The following LMF1 variants were observed in gnomAD, a reference collection of about 807,000 sequenced individuals.
LMF1 encodes lipase maturation factor 1, also known as transmembrane protein 112.
In LMF1, 68 loss-of-function variants were observed where a neutral mutation model predicts 60.6. That is an observed-to-expected ratio of 1.12 (90% CI 0.92 to 1.37). The LOEUF (loss-of-function observed/expected upper bound fraction) is 1.37, where lower values mean the gene tolerates loss of function less well. Ranked by LOEUF, LMF1 falls within the 40% of genes most tolerant of loss-of-function variation. LMF1 has a pLI of 0.00. For missense variants in LMF1, 948 were observed against 767.2 expected, an observed-to-expected ratio of 1.24 and a Z score of -2.78; for synonymous variants, 418 against 324.7, an observed-to-expected ratio of 1.29 and a Z score of -3.09.
At chr16:909,840 G>A (rs1026336775) in intron 4 of LMF1, among the ~76,000 whole-genome samples, 1 of 152,260 alleles carries the variant, frequency 6.6e-6, no homozygotes, top group African/African-American at 2.4e-5. Flanking sequence ...GAAGAGGAAC[G>A]TTCCGGACTG....
intron 9 of LMF1, chr16:869,535 C>T (rs771367675): frequency 1.7e-5 from 10 of 575,010 alleles, no homozygotes; most frequent in Non-Finnish European, 3.0e-5. Flanking sequence ...ATCGATCCTT[C>T]CTCCTCCTGC....
chr16:894,969 G>C (rs1233474964), intron 4 of LMF1, among the ~76,000 whole-genome samples: 1 of 152,256 alleles, frequency 6.6e-6, no homozygotes, highest in Non-Finnish European at 1.5e-5. Context: ...CCCGGGGCGG[G>C]GTGGGGATGG....
At chr16:896,364 C>T (rs1034129818) in intron 4 of LMF1, among the ~76,000 whole-genome samples, 3 of 152,244 alleles carry the variant, frequency 2.0e-5, no homozygotes, top group East Asian at 1.9e-4. Context: ...TCTTGCTGTA[C>T]GTCCCTGCCC....
intron 10 of LMF1, among the ~76,000 whole-genome samples, chr16:860,077 C>T (rs1356950168): frequency 2.0e-5 from 3 of 149,050 alleles, no homozygotes; most frequent in African/African-American, 7.8e-5. Flanking sequence ...TCTCTGTGCT[C>T]ATTTTCTAAT....
At position 888,112 on chromosome 16, in the gene LMF1, C is replaced by T. The variant is rs892466673; in HGVS notation, c.729+4895G>A. ...ACGGAATTGTAGTTCTCCACGACGTCGGCCCAAGCTCACAGACAGGCCCGG... is the reference window on the plus strand; with the variant it reads ...ACGGAATTGTAGTTCTCCACGACGTTGGCCCAAGCTCACAGACAGGCCCGG... On this transcript the variant is annotated intron_variant, in intron 5 of 10. Transcript: ENST00000262301. 1.1e-4 allele frequency among the ~76,000 whole-genome samples: 16 copies of T among 152,340 alleles called. 1 individual carries two copies. The highest frequency in any genetic ancestry group is 3.1e-4 in the African/African-American group (13 of 41,586).
At position 854,470 on chromosome 16, in the gene LMF1, G is replaced by A; in HGVS notation, c.*62C>T. The stretch of plus-strand genomic sequence containing the variant: ...ATGCCCAGCTTGGGCTGGGCGCAGG[G>A]AAGGGCAAACGTTGCTGAGCCGCCG... On this transcript the variant is annotated 3_prime_UTR_variant, in exon 11 of 11. Transcript: ENST00000262301. 6.7e-7 allele frequency: 1 copy of A among 1,502,292 alleles called. No homozygotes were observed. The highest frequency in any genetic ancestry group is 9.0e-7 in the Non-Finnish European group (1 of 1,109,586). 93.1% of individuals were successfully genotyped at this position (1,502,292 alleles called of 1,614,324 possible).
At chr16:919,944 A>G (rs1396358609) in intron 3 of LMF1, among the ~76,000 whole-genome samples, 1 of 152,144 alleles carries the variant, frequency 6.6e-6, no homozygotes, top group African/African-American at 2.4e-5. Context: ...GCCTCGGTCA[A>G]GACTGCCCGG....
Position 890,148 on chromosome 16 carries a change from G to A in LMF1, c.729+2859C>T, listed in dbSNP as rs893405957. Among the ~76,000 whole-genome samples the A allele has an allele frequency of 6.6e-5, 10 of 152,180 alleles. 1 individual carries two copies. Among genetic ancestry groups the A allele is most frequent in the Admixed American group, 3.3e-4 (5 of 15,282 alleles). On this transcript the variant is annotated intron_variant, in intron 5 of 10. Transcript: ENST00000262301. ...GAGTGGAGTCCAGGCCCCTGAGGCC[G>A]GTATATGGGCCATTCCTGCCCCAGG...
intron 2 of LMF1, among the ~76,000 whole-genome samples, chr16:946,296 C>CT (rs2072236690): frequency 6.6e-6 from 1 of 152,250 alleles, no homozygotes; most frequent in South Asian, 2.1e-4. Flanking sequence ...GATGTAGCCA[C>CT]TTGTGTGCTT....
intron 8 of LMF1, 95 bp downstream of exon 8, chr16:870,633 TG>T: frequency 2.1e-6 from 3 of 1,417,670 alleles, no homozygotes; most frequent in Non-Finnish European, 2.0e-6. Context: ...CTTGGGGTCA[TG>T]GGGGCCTGCA....
intron 5 of LMF1, among the ~76,000 whole-genome samples, chr16:888,768 T>C (rs1302174705): frequency 1.3e-5 from 2 of 151,858 alleles, no homozygotes; most frequent in Non-Finnish European, 2.9e-5. Flanking sequence ...GGGCAGTGTG[T>C]GGGGAGAGCG....
chr16:879,542 C>A (rs184361133), intron 6 of LMF1, 28 bp downstream of exon 6: 27 of 1,607,786 alleles, frequency 1.7e-5, no homozygotes, highest in Non-Finnish European at 2.3e-5. Flanking sequence ...TCTGTGGACA[C>A]GGGGCAGGGC....
rs532524267 is a variant in LMF1 at position 954,662 on chromosome 16, C to G, written c.198G>C (p.Val66=). The G allele has an allele frequency of 6.3e-7, 1 of 1,588,816 alleles. No homozygotes were observed. The highest frequency in any genetic ancestry group is 8.6e-7 in the Non-Finnish European group (1 of 1,166,294). ...TCTGATGGAAAGCCACCAGGAATGC[C>G]ACGACTGGAAGAAAAAGAAGACAAA... ...LLKALAFVYF[V]AFLVAFHQNK... The change falls in exon 2 of 11, where the codon GTG becomes GTC. Residue 66 remains valine (V), a synonymous_variant. Coordinates refer to ENST00000262301, the MANE Select transcript of LMF1 (RefSeq NM_022773.4).
intron 10 of LMF1, among the ~76,000 whole-genome samples, chr16:863,897 C>G (rs2069538649): frequency 6.6e-6 from 1 of 152,242 alleles, no homozygotes; most frequent in Non-Finnish European, 1.5e-5. Context: ...ACTAGTTTAA[C>G]TACATCCCAG....
chr16:976,756 C>T (rs932792857), intron 1 of LMF1: 1 of 454,054 alleles, frequency 2.2e-6, no homozygotes, highest in African/African-American at 2.0e-5. Context: ...GTTCCCGACA[C>T]ATCCGTGATC....
At chr16:883,089 G>A (rs2070211481) in intron 5 of LMF1, among the ~76,000 whole-genome samples, 1 of 149,586 alleles carries the variant, frequency 6.7e-6, no homozygotes, top group Non-Finnish European at 1.5e-5. Flanking sequence ...CCCATTGCAG[G>A]ACCAGGAGAA....
rs182124117 is a variant in LMF1, at chr16:878,584, C to T, written c.897+986G>A. ...AACTACCACACGTGCACAGACGGGA[C>T]GGGTGAACCGACCGCAGGCACGCAC... On this transcript the variant is annotated intron_variant, in intron 6 of 10. Transcript: ENST00000262301. The surrounding 1 kb of genome is among the most constrained non-coding windows in gnomAD (Gnocchi z 5.2). 7.2e-5 allele frequency among the ~76,000 whole-genome samples: 11 copies of T among 152,190 alleles called. No individual in the cohort carries two copies. Among genetic ancestry groups the T allele is most frequent in the Admixed American group, 2.6e-4 (4 of 15,282 alleles).
intron 4 of LMF1, among the ~76,000 whole-genome samples, chr16:893,931 CAG>C (rs892067456): frequency 2.0e-4 from 31 of 152,186 alleles, no homozygotes; most frequent in East Asian, 1.9e-4. Flanking sequence ...TCCTCCATGA[CAG>C]GGGTTTCTGC....
chr16:940,400 G>A (rs4984727), intron 2 of LMF1, among the ~76,000 whole-genome samples: 38,632 of 151,730 alleles, frequency 0.25, 5,929 homozygotes, highest in African/African-American at 0.41. Context: ...CTCACCCACC[G>A]GGGACCAGCA....
Sources: allele counts gnomAD v4.1 joint callset (sites outside exome capture counted in the v4.1 genomes callset), GRCh38; gene constraint gnomAD v4.1.1; non-coding constraint Gnocchi (gnomAD v3.1); transcripts MANE v1.5; gene names NCBI Gene and HGNC (gene_info 2026-07-23, HGNC 2026-07-21).